The following NREP variants were observed in gnomAD, a reference collection of about 807,000 sequenced individuals.
NREP encodes neuronal regeneration-related protein.
Under a neutral mutation model 8.6 loss-of-function variants are expected in NREP, and 5 were observed. The ratio of observed to expected loss-of-function variants is 0.58; its 90% CI spans 0.30 to 1.22. The LOEUF is 1.22. Among genes scored for constraint, NREP ranks in the 50% most tolerant of loss-of-function variants. The pLI is 0.07. For missense variants in NREP, 86 were observed against 82.5 expected, an observed-to-expected ratio of 1.04 and a Z score of -0.17; for synonymous variants, 27 against 28.0, an observed-to-expected ratio of 0.96 and a Z score of 0.11.
At chr5:111,953,839 C>T (rs1756234137) in intron 2 of NREP, among the ~76,000 whole-genome samples, 1 of 151,978 alleles carries the variant, frequency 6.6e-6, no homozygotes, top group Admixed American at 6.5e-5. Flanking sequence ...AAGAAAGGCA[C>T]AACAATATGG....
At chr5:111,894,149 G>A (rs1368802813) in intron 2 of NREP, among the ~76,000 whole-genome samples, 1 of 152,066 alleles carries the variant, frequency 6.6e-6, no homozygotes, top group African/African-American at 2.4e-5. Context: ...AACCCAGGAG[G>A]CAGAGGTTGC....
intron 2 of NREP, among the ~76,000 whole-genome samples, chr5:111,809,370 T>A (rs568715432): frequency 6.6e-6 from 1 of 152,310 alleles, no homozygotes; most frequent in Admixed American, 6.5e-5. Flanking sequence ...TCAGCTACTG[T>A]TTGAGTGTGT....
intron 1 of NREP, chr5:111,756,320 C>CGCCGGG: frequency 3.3e-5 from 1 of 30,650 alleles, no homozygotes; most frequent in Non-Finnish European, 5.9e-5. Context: ...AAACCCTACA[C>CGCCGGG]GGCGGGGGGG....
intron 2 of NREP, among the ~76,000 whole-genome samples, chr5:111,954,162 C>G (rs572770507): frequency 4.6e-5 from 7 of 152,212 alleles, no homozygotes; most frequent in South Asian, 2.1e-4. Context: ...AATATAGGCT[C>G]TGCAGTGGCA....
chr5:111,856,033 G>C (rs1753419614), intron 2 of NREP, among the ~76,000 whole-genome samples: 2 of 152,168 alleles, frequency 1.3e-5, no homozygotes, highest in Non-Finnish European at 2.9e-5. Context: ...GCACCAGCTG[G>C]AGAGGCCTCT....
intron 2 of NREP, among the ~76,000 whole-genome samples, chr5:111,777,135 A>C (rs1751383568): frequency 6.6e-6 from 1 of 152,136 alleles, no homozygotes; most frequent in South Asian, 2.1e-4. Context: ...TCTCAACTAG[A>C]GTTCCTCATT....
chr5:111,774,269 GAGGGAGAGAAGA>G (rs1053313237), intron 2 of NREP, among the ~76,000 whole-genome samples: 8 of 137,798 alleles, frequency 5.8e-5, no homozygotes, highest in South Asian at 4.4e-4. Flanking sequence ...GGGAGAGAAG[GAGGGAGAGAAGA>G]AGGGAGAGAA....
chr5:111,877,193 C>A (rs1177003773), intron 2 of NREP, among the ~76,000 whole-genome samples: 1 of 152,110 alleles, frequency 6.6e-6, no homozygotes, highest in African/African-American at 2.4e-5. Flanking sequence ...ACACTATTTC[C>A]CACATATCTC....
intron 2 of NREP, among the ~76,000 whole-genome samples, chr5:111,941,925 C>T (rs1221542556): frequency 1.3e-5 from 2 of 152,052 alleles, no homozygotes; most frequent in African/African-American, 4.8e-5. Flanking sequence ...ATAATATACT[C>T]ACTACTTCTT....
chr5:111,816,899 T>C (rs1482502779), intron 2 of NREP, among the ~76,000 whole-genome samples: 3 of 151,928 alleles, frequency 2.0e-5, no homozygotes, highest in African/African-American at 7.2e-5. Flanking sequence ...TGGAAAAAGA[T>C]AAATTGTAAA....
intron 2 of NREP, among the ~76,000 whole-genome samples, chr5:111,864,734 C>T (rs965683304): frequency 6.6e-6 from 1 of 151,946 alleles, no homozygotes; most frequent in South Asian, 2.1e-4. Context: ...TGAGAATATT[C>T]AATGTGTACT....
chr5:111,952,217 C>A (rs1403466976), intron 2 of NREP, among the ~76,000 whole-genome samples: 1 of 152,094 alleles, frequency 6.6e-6, no homozygotes, highest in East Asian at 1.9e-4. Flanking sequence ...CATGGGACAC[C>A]TGGTCTCCAC....
At chr5:111,842,561 A>G (rs892410335) in intron 2 of NREP, among the ~76,000 whole-genome samples, 2 of 152,138 alleles carry the variant, frequency 1.3e-5, no homozygotes, top group Non-Finnish European at 2.9e-5. Flanking sequence ...TTAACAAATT[A>G]TTTGTTATTT....
chr5:111,855,571 C>G (rs1753407583), intron 2 of NREP, among the ~76,000 whole-genome samples: 1 of 152,184 alleles, frequency 6.6e-6, no homozygotes, highest in African/African-American at 2.4e-5. Context: ...GTGAAGCCAG[C>G]AGGGCCCTGA....
At chr5:111,746,295 AG>A (rs1175573957) in intron 2 of NREP, among the ~76,000 whole-genome samples, 33 of 152,096 alleles carry the variant, frequency 2.2e-4, no homozygotes, top group Non-Finnish European at 4.3e-4. Context: ...AAAGATGTGG[AG>A]ACTTGTCTCC....
At chr5:111,754,555 TGAC>T in intron 2 of NREP, among the ~76,000 whole-genome samples, 1 of 152,206 alleles carries the variant, frequency 6.6e-6, no homozygotes, top group Admixed American at 6.5e-5. Context: ...TATTATTCTA[TGAC>T]AACAGCTAAT....
chr5:111,753,159 T>C (rs1405710200), intron 2 of NREP, among the ~76,000 whole-genome samples: 1 of 151,730 alleles, frequency 6.6e-6, no homozygotes, highest in Non-Finnish European at 1.5e-5. Flanking sequence ...TCAACTAAGA[T>C]ACAGCAAACT....
intron 2 of NREP, among the ~76,000 whole-genome samples, chr5:111,850,294 C>G (rs934003005): frequency 6.6e-6 from 1 of 152,120 alleles, no homozygotes; most frequent in African/African-American, 2.4e-5. Flanking sequence ...ATTCAAGGCT[C>G]TGTTCTACAC....
intron 2 of NREP, among the ~76,000 whole-genome samples, chr5:111,858,720 A>G (rs2112478288): frequency 6.6e-6 from 1 of 152,286 alleles, no homozygotes; most frequent in East Asian, 1.9e-4. Flanking sequence ...ATATACAAGG[A>G]AAATGAGTCT....
Sources: allele counts gnomAD v4.1 joint callset (sites outside exome capture counted in the v4.1 genomes callset), GRCh38; gene constraint gnomAD v4.1.1; transcripts MANE v1.5; gene names NCBI Gene and HGNC (gene_info 2026-07-23, HGNC 2026-07-21).